BCLAF1: variants seen among roughly 807,000 people sequenced by gnomAD.
The protein encoded by BCLAF1 is BCL2 associated transcription factor 1.
Under a neutral mutation model 99.5 loss-of-function variants are expected in BCLAF1, and 10 were observed. The observed-to-expected ratio is 0.10, with a 90% CI of 0.06 to 0.17. The LOEUF (loss-of-function observed/expected upper bound fraction) is 0.17. BCLAF1 is among the 10% of genes least tolerant of loss of function. BCLAF1 has a pLI of 1.00. For missense variants in BCLAF1, 636 were observed against 1,105.8 expected (o/e 0.58, Z 6.02); for synonymous variants, 255 against 370.9 (o/e 0.69, Z 3.59).
intron 8 of BCLAF1, chr6:136,269,888 A>G: frequency 3.8e-6 from 1 of 260,888 alleles, no homozygotes; most frequent in Non-Finnish European, 7.1e-6. Flanking sequence ...AAAACAATCT[A>G]TAATAAATTT....
intron 11 of BCLAF1, among the ~76,000 whole-genome samples, chr6:136,265,551 T>TA (rs572740358): frequency 1.6e-3 from 237 of 152,270 alleles, no homozygotes; most frequent in African/African-American, 5.2e-3. Flanking sequence ...TTCTTAAAAG[T>TA]ATTAAGACCT....
chr6:136,286,841 G>A (rs1424509432), intron 1 of BCLAF1, among the ~76,000 whole-genome samples: 1 of 152,144 alleles, frequency 6.6e-6, no homozygotes, highest in Non-Finnish European at 1.5e-5. Flanking sequence ...GGTGGCAGGC[G>A]CCTGTAATCC....
In BCLAF1 at chr6:136,261,346, G is replaced by A. The variant is rs764930640; in HGVS notation, c.2676C>T (p.Tyr892=). Residue 892 remains tyrosine, a synonymous_variant, in exon 12 of 13, where the codon TAC becomes TAT. Coordinates refer to ENST00000531224, the MANE Select transcript of BCLAF1 (RefSeq NM_014739.3). ...CATCTTCAACAATCCCATCCCCTTG[G>A]TATTTGTCATGAGTCCATTTAGGAC... ...GSSPKWTHDK[Y]QGDGIVEDEE... 6 of 1,613,528 alleles carry A rather than the reference G, an allele frequency of 3.7e-6. No individual in the cohort carries two copies. Among genetic ancestry groups the A allele is most frequent in the South Asian group, 1.1e-5 (1 of 91,074 alleles).
In BCLAF1 at chr6:136,268,745, G is replaced by A. The variant is rs190751151; in HGVS notation, c.2220-406C>T. On this transcript the variant is annotated intron_variant, in intron 9 of 12. Coordinates refer to ENST00000531224, the MANE Select transcript of BCLAF1 (RefSeq NM_014739.3). The stretch of plus-strand genomic sequence containing the variant: ...TGGGTGAAAATAGTTGGTATAGTTT[G>A]GGCTATAGTACCATTATAGCAAATA... 26 of 186,280 alleles carry A rather than the reference G, an allele frequency of 1.4e-4. No homozygotes were observed. In the East Asian group the frequency reaches 3.9e-3, roughly 28 times the overall value. 11.5% of individuals were successfully genotyped at this position (186,280 alleles called of 1,614,324 possible). A position where few individuals can be genotyped will look rare whatever the true frequency, so the allele number is the denominator to read the frequency against.
At chr6:136,287,461 T>C (rs1197341538) in intron 1 of BCLAF1, among the ~76,000 whole-genome samples, 2 of 152,232 alleles carry the variant, frequency 1.3e-5, no homozygotes, top group African/African-American at 4.8e-5. Context: ...AGGTAACACT[T>C]ATTACCTGAG....
intron 1 of BCLAF1, among the ~76,000 whole-genome samples, chr6:136,288,229 A>G (rs1230707680): frequency 6.6e-6 from 1 of 152,224 alleles, no homozygotes; most frequent in Non-Finnish European, 1.5e-5. Flanking sequence ...TCACTAAGAG[A>G]AGGTGCTCCA....
chr6:136,277,727 G>C, intron 4 of BCLAF1, 138 bp downstream of exon 4: 2 of 1,133,128 alleles, frequency 1.8e-6, no homozygotes, highest in Non-Finnish European at 2.4e-6. Context: ...AAACAATTTG[G>C]AATTATCTTA....
At chr6:136,284,130 G>GTGTGTATATATATATATATATA (rs36141174) in intron 1 of BCLAF1, among the ~76,000 whole-genome samples, 59 of 122,078 alleles carry the variant, frequency 4.8e-4, no homozygotes, top group African/African-American at 2.3e-3. Flanking sequence ...GTGTGTGTGT[G>GTGTGTATATATATATATATATA]TATATATATA....
chr6:136,287,944 C>G lies in BCLAF1; in HGVS notation c.-115+1769G>C, dbSNP rs1439832439. Reference sequence around the variant, plus strand: ...GCTGAGGCAGGAGAATCGCTTGGACCCGGAGACGGAGGCTGCAGTGAGCCG... The same window carrying G: ...GCTGAGGCAGGAGAATCGCTTGGACGCGGAGACGGAGGCTGCAGTGAGCCG... On this transcript the variant is annotated intron_variant, in intron 1 of 12. Transcript: ENST00000531224. Among the ~76,000 whole-genome samples the G allele has an allele frequency of 2.6e-5, 4 of 152,240 alleles. No homozygotes were observed. The East Asian group carries it at 7.7e-4, about 29-fold the overall frequency.
At chr6:136,275,739 A>T in intron 5 of BCLAF1, 38 bp from the exon 6 acceptor site, 1 of 1,561,644 alleles carries the variant, frequency 6.4e-7, no homozygotes, top group Non-Finnish European at 8.6e-7. Context: ...CACAAAATAT[A>T]CCATTGGTTT....
intron 2 of BCLAF1, among the ~76,000 whole-genome samples, chr6:136,280,392 G>A (rs921829446): frequency 2.0e-4 from 31 of 152,274 alleles, no homozygotes; most frequent in African/African-American, 7.2e-4. Flanking sequence ...CCTGTCTGGA[G>A]TGGTACTAGA....
intron 1 of BCLAF1, among the ~76,000 whole-genome samples, chr6:136,285,819 G>A (rs180755817): frequency 2.0e-5 from 3 of 152,302 alleles, no homozygotes; most frequent in East Asian, 1.9e-4. Flanking sequence ...AATTTATCAG[G>A]CCAGGAATGG....
chr6:136,263,435 C>A (rs1248092881), intron 11 of BCLAF1, among the ~76,000 whole-genome samples: 1 of 152,132 alleles, frequency 6.6e-6, no homozygotes, highest in Non-Finnish European at 1.5e-5. Flanking sequence ...CGTAGGGCAT[C>A]CTGGCAGCTA....
At chr6:136,285,578 C>T (rs1056856280) in intron 1 of BCLAF1, among the ~76,000 whole-genome samples, 2 of 152,122 alleles carry the variant, frequency 1.3e-5, no homozygotes, top group African/African-American at 2.4e-5. Context: ...CCCTTTATTA[C>T]AACCAAGATC....
chr6:136,288,232 G>A (rs1401669670), intron 1 of BCLAF1, among the ~76,000 whole-genome samples: 1 of 152,120 alleles, frequency 6.6e-6, no homozygotes, highest in Non-Finnish European at 1.5e-5. Context: ...CTAAGAGAAG[G>A]TGCTCCAAGG....
At position 136,279,792 on chromosome 6, in the gene BCLAF1, T is replaced by C. The variant is rs1455087864; in HGVS notation, c.75A>G (p.Ser25=). Residue 25 remains serine, a synonymous_variant, in exon 3 of 13, where the codon TCA becomes TCG. Transcript: ENST00000531224. ...ATCGCTTCTTTCTAGAATGAGATCTTGATCTTGATCGAGAACTAGACTGTG... is the reference window on the plus strand; with the variant it reads ...ATCGCTTCTTTCTAGAATGAGATCTCGATCTTGATCGAGAACTAGACTGTG... ...SRSQSSSRSR[S]RSHSRKKRYS... 6.3e-7 allele frequency: 1 copy of C among 1,576,534 alleles called. No homozygotes were observed. The highest frequency in any genetic ancestry group is 8.6e-7 in the Non-Finnish European group (1 of 1,161,642).
intron 2 of BCLAF1, among the ~76,000 whole-genome samples, chr6:136,281,736 T>C (rs114191715): frequency 0.02 from 3,111 of 152,294 alleles, 109 homozygotes; most frequent in African/African-American, 0.069. Flanking sequence ...TCTCTGTTCT[T>C]TGCTCTTGAG....
intron 4 of BCLAF1, 111 bp downstream of exon 4, chr6:136,277,754 G>A: frequency 2.5e-6 from 3 of 1,199,934 alleles, no homozygotes; most frequent in Middle Eastern, 2.9e-4. Flanking sequence ...AGGAAGTCAA[G>A]AGTAAAAACC....
intron 11 of BCLAF1, among the ~76,000 whole-genome samples, chr6:136,262,972 T>C (rs1228654061): frequency 2.0e-5 from 3 of 152,156 alleles, no homozygotes; most frequent in Non-Finnish European, 4.4e-5. Flanking sequence ...GGAACACAGA[T>C]CAGCAGGAAG....
Sources: gnomAD v4.1 joint callset for allele counts (sites outside exome capture counted in the v4.1 genomes callset) on GRCh38, gnomAD v4.1.1 for gene constraint, MANE v1.5 for transcripts, NCBI Gene and HGNC (gene_info 2026-07-23, HGNC 2026-07-21) for gene names.